DHRSX: variants seen among roughly 807,000 people sequenced by gnomAD.
DHRSX encodes polyprenol dehydrogenase.
In DHRSX, 31 loss-of-function variants were observed where a neutral mutation model predicts 34.0. The ratio of observed to expected loss-of-function variants is 0.91; its 90% CI spans 0.69 to 1.23. The LOEUF (loss-of-function observed/expected upper bound fraction) is 1.23, where lower values mean the gene tolerates loss of function less well. DHRSX is among the 50% of genes most tolerant of loss of function. DHRSX has a pLI of 0.00. For synonymous variants in DHRSX, 201 were observed against 183.8 expected (o/e 1.09, Z -0.76); for missense variants, 414 against 428.1 (o/e 0.97, Z 0.29).
intron 3 of DHRSX, among the ~76,000 whole-genome samples, chrX:2,296,750 T>C (rs112341049): frequency 2.6e-3 from 43 of 16,728 alleles, no homozygotes; most frequent in Admixed American, 3.6e-3. Context: ...CCCAGGCAGA[T>C]AGGAATAGGA....
chrX:2,422,637 A>G (rs982440896), intron 2 of DHRSX, among the ~76,000 whole-genome samples: 1 of 152,138 alleles, frequency 6.6e-6, no homozygotes, highest in African/African-American at 2.4e-5. Context: ...AGCAGACACC[A>G]TAAAAGTTAT....
intron 1 of DHRSX, among the ~76,000 whole-genome samples, chrX:2,425,787 G>A (rs1163524134): frequency 6.6e-6 from 1 of 152,204 alleles, no homozygotes; most frequent in Non-Finnish European, 1.5e-5. Context: ...GTCCCAAGAG[G>A]AGGGGCGTGT....
chrX:2,482,826 C>G (rs765240235), intron 1 of DHRSX, among the ~76,000 whole-genome samples: 1 of 152,220 alleles, frequency 6.6e-6, no homozygotes, highest in East Asian at 1.9e-4. Flanking sequence ...TAAGAACGCA[C>G]AAGCTAAAAG....
intron 1 of DHRSX, among the ~76,000 whole-genome samples, chrX:2,438,317 A>ACACACACG (rs1393165875): frequency 6.6e-6 from 1 of 151,104 alleles, no homozygotes; most frequent in Admixed American, 6.6e-5. Flanking sequence ...ACACACACAC[A>ACACACACG]CACACACACA....
chrX:2,276,348 G>A (rs62595527), intron 4 of DHRSX, among the ~76,000 whole-genome samples: 19,865 of 152,138 alleles, frequency 0.13, 1,815 homozygotes, highest in Non-Finnish European at 0.19. Context: ...GAGCATTCAC[G>A]GAATCTGTCT....
intron 3 of DHRSX, among the ~76,000 whole-genome samples, chrX:2,351,781 G>A (rs1187975205): frequency 4.6e-5 from 7 of 152,150 alleles, no homozygotes; most frequent in Non-Finnish European, 8.8e-5. Context: ...GTGCAGTGGC[G>A]CAATCCCAAC....
rs752123891 is a variant in DHRSX at position 2,455,741 on chromosome X, C to CAAA, written c.110-30440_110-30438dup. Among the ~76,000 whole-genome samples, 406 of 59,636 alleles carry CAAA rather than the reference C, an allele frequency of 6.8e-3. 4 individuals are homozygous for CAAA. The highest frequency in any genetic ancestry group is 0.021 in the Middle Eastern group (2 of 94). 39.1% of individuals were successfully genotyped at this position (59,636 alleles called of 152,430 possible). A position where few individuals can be genotyped will look rare whatever the true frequency, so the allele number is the denominator to read the frequency against. On this transcript the variant is annotated intron_variant, in intron 1 of 6. Transcript: ENST00000334651. ...TGGCGACAAGAACAAAACTTCGTCTCAAAAAAAAAAAAAAAAAAAACAATA... is the reference window on the plus strand; with the variant it reads ...TGGCGACAAGAACAAAACTTCGTCTCAAAAAAAAAAAAAAAAAAAAAAACAATA...
chrX:2,260,804 G>C (rs2041354255), intron 5 of DHRSX, among the ~76,000 whole-genome samples: 1 of 152,068 alleles, frequency 6.6e-6, no homozygotes, highest in Admixed American at 6.6e-5. Context: ...TGGATCAAGG[G>C]TCTACCCTAA....
intron 3 of DHRSX, among the ~76,000 whole-genome samples, chrX:2,403,084 T>C (rs1325623814): frequency 1.3e-5 from 2 of 152,050 alleles, no homozygotes; most frequent in African/African-American, 4.8e-5. Flanking sequence ...GGTTTCACCA[T>C]GTTGGCCAGG....
At chrX:2,473,169 G>A (rs1052174152) in intron 1 of DHRSX, among the ~76,000 whole-genome samples, 11 of 152,190 alleles carry the variant, frequency 7.2e-5, no homozygotes, top group Non-Finnish European at 7.3e-5. Flanking sequence ...AGAAACAAGA[G>A]ACAGGACTGT....
chrX:2,345,751 T>C (rs1021422177), intron 3 of DHRSX, among the ~76,000 whole-genome samples: 8 of 151,988 alleles, frequency 5.3e-5, no homozygotes, highest in Admixed American at 2.6e-4. Flanking sequence ...GTTGAAGGTC[T>C]GACTAGAACA....
At chrX:2,283,912 A>G (rs1230348758) in intron 4 of DHRSX, among the ~76,000 whole-genome samples, 4 of 31,834 alleles carry the variant, frequency 1.3e-4, no homozygotes, top group African/African-American at 4.2e-4. Flanking sequence ...CTTTGAATTC[A>G]CTCATTCCTT....
chrX:2,273,652 A>C (rs1243292218), intron 4 of DHRSX, among the ~76,000 whole-genome samples: 1 of 152,172 alleles, frequency 6.6e-6, no homozygotes, highest in East Asian at 1.9e-4. Flanking sequence ...CTAGCAGTCA[A>C]GAGTTTCTGC....
At chrX:2,358,436 A>T (rs1237996396) in intron 3 of DHRSX, among the ~76,000 whole-genome samples, 4 of 152,096 alleles carry the variant, frequency 2.6e-5, no homozygotes, top group African/African-American at 9.7e-5. Context: ...GGTGGCTCAC[A>T]CCTGTCATCC....
chrX:2,268,427 C>A (rs1489742721), intron 4 of DHRSX, among the ~76,000 whole-genome samples: 1 of 152,164 alleles, frequency 6.6e-6, no homozygotes, highest in East Asian at 1.9e-4. Flanking sequence ...AATACAGGCA[C>A]GTCTATTCAT....
At chrX:2,389,849 C>T (rs1244674614) in intron 3 of DHRSX, among the ~76,000 whole-genome samples, 12 of 152,048 alleles carry the variant, frequency 7.9e-5, no homozygotes. Context: ...GGCATGAGCT[C>T]GGCTCACTGC....
intron 1 of DHRSX, chrX:2,490,491 C>T (rs757982020): frequency 2.5e-6 from 4 of 1,613,966 alleles, no homozygotes; most frequent in East Asian, 2.2e-5. Context: ...TTGACGAACT[C>T]GCAGAATTCC....
chrX:2,313,255 G>A (rs1442124183), intron 3 of DHRSX, among the ~76,000 whole-genome samples: 1 of 151,976 alleles, frequency 6.6e-6, no homozygotes, highest in Non-Finnish European at 1.5e-5. Flanking sequence ...TGATCTGCCT[G>A]CCTCAGCCTA....
intron 3 of DHRSX, among the ~76,000 whole-genome samples, chrX:2,354,096 AAGAAG>A (rs1161986270): frequency 4.6e-5 from 7 of 152,152 alleles, no homozygotes; most frequent in Non-Finnish European, 1.0e-4. Context: ...GACTTGGTGC[AAGAAG>A]AGAAGGGTAG....
Sources: allele counts gnomAD v4.1 joint callset (sites outside exome capture counted in the v4.1 genomes callset), GRCh38; gene constraint gnomAD v4.1.1; transcripts MANE v1.5; gene names NCBI Gene and HGNC (gene_info 2026-07-23, HGNC 2026-07-21).